The following DNAAF8 variants were observed in gnomAD, a reference collection of about 807,000 sequenced individuals.
The protein encoded by DNAAF8 is dynein axonemal assembly factor 8.
A neutral mutation model predicts 54.6 loss-of-function variants in DNAAF8; 61 were observed. That is an observed-to-expected ratio of 1.12 (90% confidence interval 0.91 to 1.38). DNAAF8 has a LOEUF of 1.38. Among genes scored for constraint, DNAAF8 ranks in the 40% most tolerant of loss-of-function variants. The pLI, the probability that DNAAF8 is intolerant of heterozygous loss-of-function variation, is 0.00. For synonymous variants in DNAAF8, 320 were observed against 270.1 expected, an observed-to-expected ratio of 1.18 and a Z score of -1.81; for missense variants, 837 against 665.0, an observed-to-expected ratio of 1.26 and a Z score of -2.85.
Position 4,744,858 on chromosome 16 carries a change from G to C in DNAAF8, c.902-12G>C. 1 of 1,608,894 alleles carries C rather than the reference G, an allele frequency of 6.2e-7. No homozygotes were observed. Among genetic ancestry groups the C allele is most frequent in the Non-Finnish European group, 8.5e-7 (1 of 1,176,914 alleles). The stretch of plus-strand genomic sequence containing the variant: ...GTCCCCACTAATCAGCCTCTCCTTT[G>C]GCCATCCTCAGACCGCATGGTGCCG... On this transcript the variant is annotated splice_polypyrimidine_tract_variant and intron_variant, in intron 5 of 9. Coordinates refer to ENST00000299320, the MANE Select transcript of DNAAF8 (RefSeq NM_139170.3).
At position 4,736,514 on chromosome 16, in the gene DNAAF8, C is replaced by A. The variant is rs1256746178; in HGVS notation, c.-1C>A. The A allele has an allele frequency of 2.6e-6, 4 of 1,547,722 alleles. No homozygotes were observed. The highest frequency in any genetic ancestry group is 3.5e-6 in the Non-Finnish European group (4 of 1,138,442). On this transcript the variant is annotated 5_prime_UTR_variant, in exon 2 of 10. Transcript: ENST00000299320. ...GAAGGCATCTGGAAGCCTGGGCCCT[C>A]ATGGCATCCAACGATAAAGGCATGG...
Position 4,736,386 on chromosome 16 carries a change from T to G in DNAAF8, c.-51-78T>G, listed in dbSNP as rs910572011. On this transcript the variant is annotated intron_variant, in intron 1 of 9. Transcript: ENST00000299320. ...AGGCCTGCCAGCCTGTTTGGTCTCCTACAGCTGGTAGAGCAGCCCCTGCTC... is the reference window on the plus strand; with the variant it reads ...AGGCCTGCCAGCCTGTTTGGTCTCCGACAGCTGGTAGAGCAGCCCCTGCTC... 8.0e-6 allele frequency: 9 copies of G among 1,126,704 alleles called. No individual in the cohort carries two copies. The African/African-American group carries it at 1.4e-4, about 18-fold the overall frequency. The allele number at this position is 1,126,704 out of a possible 1,614,324, so 69.8% of individuals were successfully genotyped here. A position where few individuals can be genotyped will look rare whatever the true frequency, so the allele number is the denominator to read the frequency against.
intron 8 of DNAAF8, 66 bp downstream of exon 8, chr16:4,747,091 C>G: frequency 7.0e-7 from 1 of 1,426,184 alleles, no homozygotes; most frequent in Non-Finnish European, 9.4e-7. Context: ...GCAAGCCCTC[C>G]ACCTGGCACA....
In DNAAF8 at chr16:4,747,016, TG is replaced by T. The variant is rs1245538243; in HGVS notation, c.1275del (p.Leu426TyrfsTer54). 1 of 1,531,026 alleles carries T rather than the reference TG, an allele frequency of 6.5e-7. No homozygotes were observed. The highest frequency in any genetic ancestry group is 1.4e-5 in the African/African-American group (1 of 71,204). 94.8% of individuals were successfully genotyped at this position (1,531,026 alleles called of 1,614,324 possible). A position where few individuals can be genotyped will look rare whatever the true frequency, so the allele number is the denominator to read the frequency against. ...GCAGAGGGGGCATCTCCTTCCTCCC[TG>T]GGGCTACGGTAACCACCCAGGGGCC... ...GDAEGASPSS[L>X]GLRTCTGKSQ... On this transcript the variant is annotated frameshift_variant, in exon 8 of 10. Transcript: ENST00000299320. LOFTEE classifies it high-confidence loss of function.
chr16:4,745,032 C>A, intron 6 of DNAAF8, 21 bp downstream of exon 6: 1 of 1,608,726 alleles, frequency 6.2e-7, no homozygotes, highest in Non-Finnish European at 8.5e-7. Context: ...TAGCCAGGCC[C>A]GGCTCCTGTG....
intron 2 of DNAAF8, among the ~76,000 whole-genome samples, chr16:4,737,210 G>A (rs573757550): frequency 6.6e-6 from 1 of 152,230 alleles, no homozygotes; most frequent in East Asian, 1.9e-4. Flanking sequence ...ACAGTATGAG[G>A]GTTTTAAAAG....
Position 4,744,917 on chromosome 16 carries a change from C to G in DNAAF8, c.949C>G (p.Leu317Val), listed in dbSNP as rs752523512. ...CAACAGGCTCATGGAACAGCTGGCC[C>G]TCCTGTGCACCACGCAGTCCAAGGC... is the stretch of plus-strand genomic sequence containing the variant. Reference protein sequence around the residue: ...AHNRLMEQLALLCTTQSKASA... With the variant: ...AHNRLMEQLAVLCTTQSKASA... The change falls in exon 6 of 10, where the codon CTC becomes GTC. Residue 317 changes from leucine to valine, a missense_variant. Coordinates refer to ENST00000299320, the MANE Select transcript of DNAAF8 (RefSeq NM_139170.3). 19 of 1,613,780 alleles carry G rather than the reference C, an allele frequency of 1.2e-5. No homozygotes were observed. The highest frequency in any genetic ancestry group is 1.6e-4 in the Middle Eastern group (1 of 6,080).
chr16:4,741,620 T>C (rs1227556089), intron 4 of DNAAF8, among the ~76,000 whole-genome samples: 1 of 152,056 alleles, frequency 6.6e-6, no homozygotes, highest in Non-Finnish European at 1.5e-5. Flanking sequence ...GCCAACATGG[T>C]GAAACCGTGA....
chr16:4,746,407 G>C lies in DNAAF8; in HGVS notation c.1076G>C (p.Gly359Ala). 2 of 1,613,310 alleles carry C rather than the reference G, an allele frequency of 1.2e-6. No homozygotes were observed. The highest frequency in any genetic ancestry group is 1.7e-5 in the Admixed American group (1 of 59,960). The change falls in exon 7 of 10, where the codon GGG becomes GCG. Residue 359 changes from glycine to alanine, a missense_variant. Gly to Ala is a moderately conservative substitution (Grantham distance 60, BLOSUM62 0). Transcript: ENST00000299320. ...CASRKQGSQA[G>A]PGPQLAQGMR... is the part of the protein sequence containing the mutation. ...TCAAGGAAGCAGGGCTCCCAGGCTG[G>C]GCCAGGCCCGCAGCTGGCCCAGGGC... is the stretch of plus-strand genomic sequence containing the variant.
intron 2 of DNAAF8, among the ~76,000 whole-genome samples, chr16:4,737,123 G>T (rs749208444): frequency 2.6e-5 from 4 of 152,122 alleles, no homozygotes; most frequent in African/African-American, 9.7e-5. Flanking sequence ...ATAGCCCTAG[G>T]TGCAGGCATA....
At chr16:4,741,001 C>G (rs1267908170) in intron 4 of DNAAF8, among the ~76,000 whole-genome samples, 2 of 151,120 alleles carry the variant, frequency 1.3e-5, no homozygotes, top group African/African-American at 2.4e-5. Flanking sequence ...CAGTGAGACC[C>G]TCATCTCTAA....
At chr16:4,745,964 A>G (rs887331543) in intron 6 of DNAAF8, among the ~76,000 whole-genome samples, 7 of 151,932 alleles carry the variant, frequency 4.6e-5, no homozygotes, top group African/African-American at 1.4e-4. Flanking sequence ...AAAAAAAAAA[A>G]AAAAAGAAAA....
chr16:4,735,214 G>A (rs924753434), intron 1 of DNAAF8: 2 of 152,310 alleles, frequency 1.3e-5, no homozygotes, highest in African/African-American at 4.8e-5. Flanking sequence ...GGGTTTATCA[G>A]AGTCTCTGGA....
At chr16:4,743,787 T>A (rs1362390236) in intron 5 of DNAAF8, 1 of 152,294 alleles carries the variant, frequency 6.6e-6, no homozygotes, top group East Asian at 1.9e-4. Flanking sequence ...GTTAAATACA[T>A]TTTGTTGGTT....
At chr16:4,745,519 C>T (rs1001732917) in intron 6 of DNAAF8, among the ~76,000 whole-genome samples, 2 of 152,234 alleles carry the variant, frequency 1.3e-5, no homozygotes, top group Non-Finnish European at 2.9e-5. Flanking sequence ...GCCCCAGGGT[C>T]CCGTAAGGCC....
chr16:4,739,262 C>CTTTTTTTTTTTTTTTTTTT (rs1596482355), intron 3 of DNAAF8, among the ~76,000 whole-genome samples: 2 of 36,238 alleles, frequency 5.5e-5, no homozygotes, highest in Non-Finnish European at 1.4e-4. Context: ...ATGATTTTTT[C>CTTTTTTTTTTTTTTTTTTT]TTGTTTTTTT....
chr16:4,734,957 C>A (rs1025435422), intron 1 of DNAAF8: 1 of 152,194 alleles, frequency 6.6e-6, no homozygotes. Flanking sequence ...AAACCCACCC[C>A]GAGACGGAGC....
At position 4,747,353 on chromosome 16, in the gene DNAAF8, G is replaced by T; in HGVS notation, c.1291G>T (p.Gly431Trp). 1 of 1,581,996 alleles carries T rather than the reference G, an allele frequency of 6.3e-7. No individual in the cohort carries two copies. The highest frequency in any genetic ancestry group is 1.3e-5 in the African/African-American group (1 of 74,252). ...PSSLGLRTCT[G>W]KSQLLQQLRA... ...CTCATTGTGTCACAGGACCTGTACC[G>T]GGAAAAGCCAGCTTCTCCAGCAGCT... is the stretch of plus-strand genomic sequence containing the variant. The change falls in exon 9 of 10, where the codon GGG (glycine) becomes TGG (tryptophan). Residue 431 changes from glycine to tryptophan, a missense_variant. Coordinates refer to ENST00000299320, the MANE Select transcript of DNAAF8 (RefSeq NM_139170.3).
chr16:4,737,735 G>A (rs2081914285), intron 2 of DNAAF8, 65 bp from the exon 3 acceptor site: 3 of 1,567,468 alleles, frequency 1.9e-6, no homozygotes, highest in African/African-American at 1.4e-5. Context: ...GAGAGCGGGG[G>A]TGGCTAGGCC....
Sources: allele counts gnomAD v4.1 joint callset (sites outside exome capture counted in the v4.1 genomes callset), GRCh38; gene constraint gnomAD v4.1.1; transcripts MANE v1.5; gene names NCBI Gene and HGNC (gene_info 2026-07-23, HGNC 2026-07-21).